The following FGF9 variants were observed in gnomAD, a reference collection of about 807,000 sequenced individuals.
FGF9 encodes fibroblast growth factor 9, also known as fibroblast growth factor 9 (glia-activating factor).
A neutral mutation model predicts 19.9 loss-of-function variants in FGF9; 3 were observed. That is an observed-to-expected ratio of 0.15 (90% CI 0.07 to 0.39). The LOEUF (loss-of-function observed/expected upper bound fraction) is 0.39. Ranked by LOEUF, FGF9 falls within the 10% of genes least tolerant of loss-of-function variation. The pLI, the probability that FGF9 is intolerant of heterozygous loss-of-function variation, is 1.00. For missense variants in FGF9, 175 were observed against 256.8 expected, an observed-to-expected ratio of 0.68 and a Z score of 2.18; for synonymous variants, 107 against 106.9, an observed-to-expected ratio of 1.00 and a Z score of -0.01.
intron 2 of FGF9, among the ~76,000 whole-genome samples, chr13:21,683,967 C>A (rs558258181): frequency 6.6e-6 from 1 of 152,242 alleles, no homozygotes; most frequent in African/African-American, 2.4e-5. Context: ...TTGCCAGGAG[C>A]ACCCTGTGTG....
At chr13:21,675,993 G>A (rs1565948485) in intron 1 of FGF9, among the ~76,000 whole-genome samples, 3 of 151,440 alleles carry the variant, frequency 2.0e-5, no homozygotes, top group South Asian at 4.2e-4. Context: ...AAAGGAACTC[G>A]CAATTGTATC....
Position 21,701,054 on chromosome 13 carries a change from T to C in FGF9, c.382-136T>C, listed in dbSNP as rs518544. 579,611 of 661,100 alleles carry C rather than the reference T, an allele frequency of 0.88. 254,950 individuals are homozygous for C. The highest frequency in any genetic ancestry group is 1 in the East Asian group (36,031 of 36,042). The allele number at this position is 661,100 out of a possible 1,614,324, so 41.0% of individuals were successfully genotyped here. On this transcript the variant is annotated intron_variant, in intron 2 of 2. Transcript: ENST00000382353. ...AATTTTTAGTTCTGGGGTACATGTG[T>C]AGGATGCGCAGGTTTGTTAAATAGA...
chr13:21,692,622 C>T (rs1036376656), intron 2 of FGF9, among the ~76,000 whole-genome samples: 1 of 152,164 alleles, frequency 6.6e-6, no homozygotes, highest in Non-Finnish European at 1.5e-5. Context: ...GAGAAGATGA[C>T]GCCTACAAAG....
intron 2 of FGF9, among the ~76,000 whole-genome samples, chr13:21,693,439 C>T (rs1306613096): frequency 3.9e-5 from 6 of 152,020 alleles, no homozygotes; most frequent in African/African-American, 7.3e-5. Context: ...TCAAGAGCCA[C>T]GTGGAAATAT....
chr13:21,696,276 G>A (rs750311211), intron 2 of FGF9, among the ~76,000 whole-genome samples: 1 of 152,028 alleles, frequency 6.6e-6, no homozygotes, highest in Non-Finnish European at 1.5e-5. Flanking sequence ...TTTTCCCACC[G>A]CTTGGAATTT....
In FGF9 at chr13:21,684,820, T is replaced by C. The variant is rs117543937; in HGVS notation, c.381+3675T>C. Among the ~76,000 whole-genome samples the C allele has an allele frequency of 1.4e-4, 21 of 152,354 alleles. No homozygotes were observed. The East Asian group carries it at 3.7e-3, about 27-fold the overall frequency. On this transcript the variant is annotated intron_variant, in intron 2 of 2. Transcript: ENST00000382353. ...TCTCAAGTCTTCTCTGTGTGACCCA[T>C]GATGTTCTCTGTGCACACAAAATGT...
chr13:21,686,176 G>T (rs567453879), intron 2 of FGF9, among the ~76,000 whole-genome samples: 1 of 152,094 alleles, frequency 6.6e-6, no homozygotes, highest in Non-Finnish European at 1.5e-5. Flanking sequence ...ATTACAGTGC[G>T]TGCCACCAAG....
chr13:21,681,391 TAAA>T (rs937664041), intron 2 of FGF9: 5 of 378,666 alleles, frequency 1.3e-5, no homozygotes, highest in Non-Finnish European at 2.4e-5. Flanking sequence ...ATCAAGTAAA[TAAA>T]AAAATTTACA....
intron 2 of FGF9, among the ~76,000 whole-genome samples, chr13:21,690,701 G>A (rs1872269745): frequency 6.6e-6 from 1 of 152,200 alleles, no homozygotes; most frequent in Admixed American, 6.5e-5. Context: ...AATGTGAGTA[G>A]CATCCATGCA....
chr13:21,679,188 A>T (rs1438068906), intron 1 of FGF9, among the ~76,000 whole-genome samples: 1 of 152,174 alleles, frequency 6.6e-6, no homozygotes, highest in East Asian at 1.9e-4. Flanking sequence ...ACTTTTTTTG[A>T]TATACTGTTT....
chr13:21,691,144 A>G lies in FGF9; in HGVS notation c.381+9999A>G, dbSNP rs933441651. On this transcript the variant is annotated intron_variant, in intron 2 of 2. Transcript: ENST00000382353. The surrounding 1 kb of genome is among the most constrained non-coding windows in gnomAD (Gnocchi z 4.2). ...ACTTTATAGAACTTAACTACCTCAA[A>G]TAAGGAGAATCAGCTGTACCTACAA... 2.6e-5 allele frequency among the ~76,000 whole-genome samples: 4 copies of G among 152,232 alleles called. No individual in the cohort carries two copies. The highest frequency in any genetic ancestry group is 9.6e-5 in the African/African-American group (4 of 41,466).
At position 21,672,649 on chromosome 13, in the gene FGF9, T is replaced by G. The variant is rs1871796637; in HGVS notation, c.277+460T>G. On this transcript the variant is annotated intron_variant, in intron 1 of 2. Transcript: ENST00000382353. The surrounding 1 kb of genome is among the most constrained non-coding windows in gnomAD (Gnocchi z 4.2). ...CCTTTCCTCTAGTAAGTATACTACT[T>G]GAATTGTATATTAAGTGCATTGTTT... Among the ~76,000 whole-genome samples the G allele has an allele frequency of 6.6e-6, 1 of 152,176 alleles. No homozygotes were observed. Among genetic ancestry groups the G allele is most frequent in the Non-Finnish European group, 1.5e-5 (1 of 68,040 alleles).
At position 21,697,242 on chromosome 13, in the gene FGF9, C is replaced by T. The variant is rs1325190819; in HGVS notation, c.382-3948C>T. Among the ~76,000 whole-genome samples the T allele has an allele frequency of 2.0e-5, 3 of 152,154 alleles. 1 individual carries two copies. Among genetic ancestry groups the T allele is most frequent in the South Asian group, 4.1e-4 (2 of 4,830 alleles). Reference sequence around the variant, plus strand: ...TCACAATCACGGCTCACTGCAGCCTCGACTCAAGTGACCTTCCTGCCTCAG... The same window carrying T: ...TCACAATCACGGCTCACTGCAGCCTTGACTCAAGTGACCTTCCTGCCTCAG... On this transcript the variant is annotated intron_variant, in intron 2 of 2. Coordinates refer to ENST00000382353, the MANE Select transcript of FGF9 (RefSeq NM_002010.3).
chr13:21,679,782 CA>C (rs760146847), intron 1 of FGF9, among the ~76,000 whole-genome samples: 3,247 of 52,444 alleles, frequency 0.062, 87 homozygotes, highest in East Asian at 0.17. Context: ...ACTAAAAATA[CA>C]AAAAAAAAAA....
chr13:21,685,606 T>C (rs1239460191), intron 2 of FGF9, among the ~76,000 whole-genome samples: 1 of 152,250 alleles, frequency 6.6e-6, no homozygotes, highest in African/African-American at 2.4e-5. Context: ...CGTTCATTCA[T>C]TTGCTTATTT....
chr13:21,697,957 A>G (rs1273787849), intron 2 of FGF9, among the ~76,000 whole-genome samples: 11 of 151,926 alleles, frequency 7.2e-5, no homozygotes, highest in Middle Eastern at 3.4e-3. Flanking sequence ...ACAGGCGCCC[A>G]CCACCTCGCC....
At chr13:21,685,217 G>C (rs934700879) in intron 2 of FGF9, among the ~76,000 whole-genome samples, 5 of 152,142 alleles carry the variant, frequency 3.3e-5, no homozygotes, top group African/African-American at 1.2e-4. Context: ...TAAACGGTTA[G>C]AAACTGATCT....
intron 1 of FGF9, among the ~76,000 whole-genome samples, chr13:21,675,259 G>T (rs1266443181): frequency 1.3e-5 from 2 of 152,106 alleles, no homozygotes; most frequent in Non-Finnish European, 2.9e-5. Context: ...AGGCAGGAGG[G>T]TTATTTAAGT....
At chr13:21,676,920 G>C (rs1256398431) in intron 1 of FGF9, among the ~76,000 whole-genome samples, 1 of 152,174 alleles carries the variant, frequency 6.6e-6, no homozygotes, top group African/African-American at 2.4e-5. Flanking sequence ...ACAGAACTGG[G>C]GCAGCCCATC....
Sources: allele counts gnomAD v4.1 joint callset (sites outside exome capture counted in the v4.1 genomes callset), GRCh38; gene constraint gnomAD v4.1.1; non-coding constraint Gnocchi (gnomAD v3.1); transcripts MANE v1.5; gene names NCBI Gene and HGNC (gene_info 2026-07-23, HGNC 2026-07-21).